MAN1C1: variants seen among roughly 807,000 people sequenced by gnomAD.
MAN1C1 encodes mannosidase alpha class 1C member 1, also known as mannosyl-oligosaccharide 1,2-alpha-mannosidase IC.
In MAN1C1, 49 loss-of-function variants were observed where a neutral mutation model predicts 71.5. The ratio of observed to expected loss-of-function variants is 0.69; its 90% confidence interval spans 0.54 to 0.87. The LOEUF (loss-of-function observed/expected upper bound fraction) is 0.87. Among genes scored for constraint, MAN1C1 ranks in the 40% least tolerant of loss-of-function variants. MAN1C1 has a pLI of 0.00. For synonymous variants in MAN1C1, 352 were observed against 343.7 expected (o/e 1.02, Z -0.27); for missense variants, 743 against 835.0 (o/e 0.89, Z 1.36).
chr1:25,640,108 G>A (rs748387555), intron 1 of MAN1C1, among the ~76,000 whole-genome samples: 2 of 152,186 alleles, frequency 1.3e-5, no homozygotes, highest in Non-Finnish European at 2.9e-5. Context: ...TTACTAATCA[G>A]AGGGATGCTA....
chr1:25,751,508 C>T (rs1225415791), intron 4 of MAN1C1, among the ~76,000 whole-genome samples: 1 of 152,212 alleles, frequency 6.6e-6, no homozygotes, highest in Non-Finnish European at 1.5e-5. Context: ...TGGACAGGAG[C>T]ACCTGTGACT....
intron 1 of MAN1C1, chr1:25,646,051 T>C (rs570978700): frequency 6.6e-6 from 1 of 152,410 alleles, no homozygotes; most frequent in African/African-American, 2.4e-5. Flanking sequence ...GGCCGGTGCA[T>C]GTCTATTCCA....
intron 1 of MAN1C1, among the ~76,000 whole-genome samples, chr1:25,649,300 G>A (rs2045657681): frequency 6.6e-6 from 1 of 152,234 alleles, no homozygotes. Context: ...TTTGTGACAA[G>A]GGCATGATGT....
intron 1 of MAN1C1, among the ~76,000 whole-genome samples, chr1:25,635,455 T>TTTTTTTTTTTTTTTC (rs2045444472): frequency 6.8e-6 from 1 of 147,256 alleles, no homozygotes; most frequent in Non-Finnish European, 1.5e-5. Flanking sequence ...TTTTTTTTTT[T>TTTTTTTTTTTTTTTC]ATGTGTGTGT....
intron 2 of MAN1C1, among the ~76,000 whole-genome samples, chr1:25,739,785 G>T (rs985608232): frequency 1.3e-5 from 2 of 152,256 alleles, no homozygotes; most frequent in South Asian, 4.1e-4. Flanking sequence ...GTCTAGTGGT[G>T]GCAGCCCCTG....
At chr1:25,765,634 G>A (rs971756376) in intron 7 of MAN1C1, among the ~76,000 whole-genome samples, 5 of 152,224 alleles carry the variant, frequency 3.3e-5, no homozygotes, top group African/African-American at 9.6e-5. Flanking sequence ...AGGGGCGTAG[G>A]AAGAATGGTC....
At chr1:25,665,091 C>A (rs537094540) in intron 1 of MAN1C1, among the ~76,000 whole-genome samples, 42 of 152,270 alleles carry the variant, frequency 2.8e-4, no homozygotes, top group African/African-American at 1.0e-3. Context: ...GAAACGGTTT[C>A]TGACAAAGAG....
intron 1 of MAN1C1, among the ~76,000 whole-genome samples, chr1:25,653,947 G>A (rs2045727511): frequency 6.6e-6 from 1 of 152,194 alleles, no homozygotes. Context: ...CTCGTGGATA[G>A]GGGCCAGGGA....
intron 1 of MAN1C1, among the ~76,000 whole-genome samples, chr1:25,637,072 C>T (rs1388735218): frequency 6.6e-6 from 1 of 152,000 alleles, no homozygotes; most frequent in Non-Finnish European, 1.5e-5. Flanking sequence ...GGAGAATCAC[C>T]TGAACCAGGG....
intron 1 of MAN1C1, among the ~76,000 whole-genome samples, chr1:25,660,032 G>A (rs966780093): frequency 6.6e-6 from 1 of 152,086 alleles, no homozygotes; most frequent in Non-Finnish European, 1.5e-5. Flanking sequence ...CTATAAACTT[G>A]GGTTTGATTT....
intron 5 of MAN1C1, among the ~76,000 whole-genome samples, chr1:25,758,054 G>A (rs752317579): frequency 9.9e-5 from 15 of 152,248 alleles, no homozygotes; most frequent in Non-Finnish European, 1.6e-4. Context: ...TCCAGGCCGG[G>A]GCCATTTCAT....
rs558545248 is a variant in MAN1C1 at position 25,769,830 on chromosome 1, G to A, written c.1142-1827G>A. On this transcript the variant is annotated intron_variant, in intron 7 of 11. Coordinates refer to ENST00000374332, the MANE Select transcript of MAN1C1 (RefSeq NM_020379.4). This position sits in a 1 kb window ranked among gnomAD's most constrained non-coding sequence, Gnocchi z 4.8. ...CCCGGCGGGCACCCGATGGCAAGGG[G>A]GGCCCACCACCCAAGGGGAGTGCTG... 1.3e-5 allele frequency among the ~76,000 whole-genome samples: 2 copies of A among 152,324 alleles called. No homozygotes were observed. The highest frequency in any genetic ancestry group is 1.9e-4 in the East Asian group (1 of 5,168).
chr1:25,652,956 C>T (rs1014464885), intron 1 of MAN1C1, among the ~76,000 whole-genome samples: 1 of 152,002 alleles, frequency 6.6e-6, no homozygotes, highest in Admixed American at 6.5e-5. Flanking sequence ...TGAGGTCTCG[C>T]CATGTTGCCC....
intron 7 of MAN1C1, among the ~76,000 whole-genome samples, chr1:25,767,151 T>TAC (rs368029140): frequency 6.6e-4 from 97 of 146,562 alleles, no homozygotes; most frequent in African/African-American, 1.2e-3. Context: ...ACCACACTCG[T>TAC]ACACACACAC....
chr1:25,648,671 T>G (rs2124052272), intron 1 of MAN1C1, among the ~76,000 whole-genome samples: 1 of 152,340 alleles, frequency 6.6e-6, no homozygotes, highest in South Asian at 2.1e-4. Context: ...GCCTCAATTC[T>G]GATGAGACAC....
At chr1:25,637,211 C>A (rs2045475539) in intron 1 of MAN1C1, among the ~76,000 whole-genome samples, 1 of 152,020 alleles carries the variant, frequency 6.6e-6, no homozygotes, top group African/African-American at 2.4e-5. Context: ...TTTTGTTAAT[C>A]TTTTCTAAGA....
rs563935178 is a variant in MAN1C1, at chr1:25,740,637, T to C, written c.638-6031T>C. On this transcript the variant is annotated intron_variant, in intron 2 of 11. Transcript: ENST00000374332. ...ATTTTTAGTAGAGACGGGGTTTCAC[T>C]GTGTTAGCCAGGATGGTCTCGATCT... Among the ~76,000 whole-genome samples, 70 of 152,096 alleles carry C rather than the reference T, an allele frequency of 4.6e-4. 2 individuals are homozygous for C. The South Asian group carries it at 0.013, about 29-fold the overall frequency.
chr1:25,745,346 T>C (rs2047114106), intron 2 of MAN1C1, among the ~76,000 whole-genome samples: 1 of 135,048 alleles, frequency 7.4e-6, no homozygotes, highest in Non-Finnish European at 1.6e-5. Flanking sequence ...TTTTTTTTTT[T>C]TAATGGAAAT....
At chr1:25,724,557 A>G (rs2046809012) in intron 2 of MAN1C1, among the ~76,000 whole-genome samples, 1 of 152,054 alleles carries the variant, frequency 6.6e-6, no homozygotes, top group Admixed American at 6.6e-5. Context: ...ATTTGCTCTC[A>G]TTGGCTGAAG....
Sources: gnomAD v4.1 joint callset for allele counts (sites outside exome capture counted in the v4.1 genomes callset) on GRCh38, gnomAD v4.1.1 for gene constraint, Gnocchi (gnomAD v3.1) non-coding constraint, MANE v1.5 for transcripts, NCBI Gene and HGNC (gene_info 2026-07-23, HGNC 2026-07-21) for gene names.